The following MYL9 variants were observed in gnomAD, a reference collection of about 807,000 sequenced individuals.
MYL9 encodes the protein myosin light chain 9.
A neutral mutation model predicts 12.8 loss-of-function variants in MYL9; 7 were observed. The ratio of observed to expected loss-of-function variants is 0.55; its 90% CI spans 0.31 to 1.03. The LOEUF (loss-of-function observed/expected upper bound fraction) is 1.03. Among genes scored for constraint, MYL9 ranks in the 50% least tolerant of loss-of-function variants. MYL9 has a pLI of 0.05. For synonymous variants in MYL9, 81 were observed against 87.8 expected, an observed-to-expected ratio of 0.92 and a Z score of 0.43; for missense variants, 190 against 242.7, an observed-to-expected ratio of 0.78 and a Z score of 1.44.
chr20:36,543,691 T>C (rs1301375954), intron 1 of MYL9, among the ~76,000 whole-genome samples: 2 of 152,212 alleles, frequency 1.3e-5, no homozygotes, highest in Non-Finnish European at 2.9e-5. Flanking sequence ...AGCCCAACTA[T>C]GGCCTGGGAT....
chr20:36,547,935 A>T (rs1294449435), intron 2 of MYL9, 97 bp from the exon 3 acceptor site: 1 of 1,369,778 alleles, frequency 7.3e-7, no homozygotes, highest in Non-Finnish European at 9.8e-7. Context: ...TCTCACACGG[A>T]GCGGTGAAGG....
rs796335980 is a variant in MYL9, at chr20:36,549,579, C to G, written c.*330C>G. 2.8e-4 allele frequency: 69 copies of G among 246,610 alleles called. No individual in the cohort carries two copies. Among genetic ancestry groups the G allele is most frequent in the African/African-American group, 1.4e-3 (62 of 45,052 alleles). 15.3% of individuals were successfully genotyped at this position (246,610 alleles called of 1,614,324 possible). A position where few individuals can be genotyped will look rare whatever the true frequency, so the allele number is the denominator to read the frequency against. ...TCCCCGAGGAGGAAGGGAAGGGGCTCTGTGTGCCCCCCAGGAGGAAGAGGC... is the reference window on the plus strand; with the variant it reads ...TCCCCGAGGAGGAAGGGAAGGGGCTGTGTGTGCCCCCCAGGAGGAAGAGGC... On this transcript the variant is annotated 3_prime_UTR_variant, in exon 4 of 4. Coordinates refer to ENST00000279022, the MANE Select transcript of MYL9 (RefSeq NM_006097.5).
chr20:36,548,342 C>T lies in MYL9; in HGVS notation c.346+149C>T, dbSNP rs78782467. The T allele has an allele frequency of 3.8e-3, 4,273 of 1,136,470 alleles. 129 individuals are homozygous for T. The African/African-American group carries it at 0.06, about 16-fold the overall frequency. The allele number at this position is 1,136,470 out of a possible 1,614,324, so 70.4% of individuals were successfully genotyped here. ...AAAAGCCAGGCCACCTCCTTATTGT[C>T]GCCGCAAAGGCTAGGCCAGAACAGC... On this transcript the variant is annotated intron_variant, in intron 3 of 3. Coordinates refer to ENST00000279022, the MANE Select transcript of MYL9 (RefSeq NM_006097.5).
At position 36,544,899 on chromosome 20, in the gene MYL9, G is replaced by C. The variant is rs569736661; in HGVS notation, c.15G>C (p.Arg5=). 6.2e-7 allele frequency: 1 copy of C among 1,613,138 alleles called. No individual in the cohort carries two copies. Among genetic ancestry groups the C allele is most frequent in the South Asian group, 1.1e-5 (1 of 91,016 alleles). Reference sequence around the variant, plus strand: ...CAGAAGCCAAGATGTCCAGCAAGCGGGCCAAAGCCAAGACCACCAAGAAGC... The same window carrying C: ...CAGAAGCCAAGATGTCCAGCAAGCGCGCCAAAGCCAAGACCACCAAGAAGC... The part of the protein sequence containing the change: MSSK[R]AKAKTTKKRP... Residue 5 remains arginine, a synonymous_variant, in exon 2 of 4, where the codon CGG becomes CGC. Transcript: ENST00000279022.
Position 36,549,651 on chromosome 20 carries a change from A to C in MYL9, c.*402A>C. 3 of 180,302 alleles carry C rather than the reference A, an allele frequency of 1.7e-5. No homozygotes were observed. Among genetic ancestry groups the C allele is most frequent in the East Asian group, 1.5e-4 (1 of 6,600 alleles). 11.2% of individuals were successfully genotyped at this position (180,302 alleles called of 1,614,324 possible). A position where few individuals can be genotyped will look rare whatever the true frequency, so the allele number is the denominator to read the frequency against. ...CCCCTTCACGTGTATCCCCACACAA[A>C]TGCAAGCTCACCAAGGTCCCCTCTC... is the stretch of plus-strand genomic sequence containing the variant. On this transcript the variant is annotated 3_prime_UTR_variant, in exon 4 of 4. Transcript: ENST00000279022.
At chr20:36,548,891 C>G (rs1236683445) in intron 3 of MYL9, among the ~76,000 whole-genome samples, 186 bp from the exon 4 acceptor site, 1 of 152,180 alleles carries the variant, frequency 6.6e-6, no homozygotes, top group Non-Finnish European at 1.5e-5. Flanking sequence ...TGGGATCCGA[C>G]ACCCCTTCAC....
rs749533925 is a variant in MYL9, at chr20:36,548,113, T to C, written c.266T>C (p.Met89Thr). Residue 89 changes from methionine to threonine, a missense_variant, in exon 3 of 4, where the codon ATG (methionine) becomes ACG (threonine). By Grantham distance (81) the Met-to-Thr change is moderately conservative. Transcript: ENST00000279022. ...ATCAACTTCACCATGTTCCTCACCA[T>C]GTTTGGGGAGAAGCTGAACGGCACG... ...GPINFTMFLTMFGEKLNGTDP... is the reference protein window; with the variant it reads ...GPINFTMFLTTFGEKLNGTDP... The C allele has an allele frequency of 6.2e-7, 1 of 1,613,944 alleles. No individual in the cohort carries two copies. Among genetic ancestry groups the C allele is most frequent in the Non-Finnish European group, 8.5e-7 (1 of 1,179,904 alleles).
In MYL9 at chr20:36,550,201, G is replaced by A. The variant is rs1266363116; in HGVS notation, c.*952G>A. ...TAAAGCTCCGGGTTCCAGAAGAACA[G>A]GGAGGCTCCAACAGTGATGAGGCAG... On this transcript the variant is annotated 3_prime_UTR_variant, in exon 4 of 4. Transcript: ENST00000279022. 1 of 152,462 alleles carries A rather than the reference G, an allele frequency of 6.6e-6. No homozygotes were observed. The highest frequency in any genetic ancestry group is 1.5e-5 in the Non-Finnish European group (1 of 68,266). 9.4% of individuals were successfully genotyped at this position (152,462 alleles called of 1,614,324 possible).
In MYL9 at chr20:36,548,203, G is replaced by T. The variant is rs372624710; in HGVS notation, c.346+10G>T. On this transcript the variant is annotated intron_variant, in intron 3 of 3. Transcript: ENST00000279022. ...GACGAGGAAGCCTCAGGTCCGTGGC[G>T]CCCCCTACCACCACTCTGCATGCAA... 1 of 1,598,740 alleles carries T rather than the reference G, an allele frequency of 6.3e-7. No homozygotes were observed. The highest frequency in any genetic ancestry group is 8.5e-7 in the Non-Finnish European group (1 of 1,170,716).
intron 2 of MYL9, 45 bp downstream of exon 2, chr20:36,545,113 G>A: frequency 6.3e-7 from 1 of 1,596,544 alleles, no homozygotes; most frequent in Non-Finnish European, 8.6e-7. Flanking sequence ...AGGCCAGGCA[G>A]GCTCTGCCAA....
intron 2 of MYL9, among the ~76,000 whole-genome samples, chr20:36,545,369 C>T (rs7267743): frequency 0.031 from 4,656 of 151,718 alleles, 247 homozygotes; most frequent in African/African-American, 0.11. Context: ...TGGTGGCGGG[C>T]GCCTGTAGTC....
At position 36,549,232 on chromosome 20, in the gene MYL9, A is replaced by G. The variant is rs1169785812; in HGVS notation, c.502A>G (p.Lys168Glu). Residue 168 changes from lysine to glutamate, a missense_variant, in exon 4 of 4, where the codon AAG becomes GAG. Lys to Glu is a moderately conservative substitution (Grantham distance 56). Transcript: ENST00000279022. Reference sequence around the variant, plus strand: ...CACCCGCATCCTCAAACATGGCGCCAAGGATAAAGACGACTAGGCCACCCC... The same window carrying G: ...CACCCGCATCCTCAAACATGGCGCCGAGGATAAAGACGACTAGGCCACCCC... ...EFTRILKHGAKDKDD is the reference protein window; with the variant it reads ...EFTRILKHGAEDKDD 2 of 1,613,470 alleles carry G rather than the reference A, an allele frequency of 1.2e-6. No individual in the cohort carries two copies. The highest frequency in any genetic ancestry group is 4.5e-5 in the East Asian group (2 of 44,892).
At chr20:36,549,006 C>A in intron 3 of MYL9, 71 bp from the exon 4 acceptor site, 1 of 1,478,524 alleles carries the variant, frequency 6.8e-7, no homozygotes, top group Non-Finnish European at 9.2e-7. Flanking sequence ...TGCCAGGGGG[C>A]TGAGGGATGG....
rs1474282046 is a variant in MYL9, at chr20:36,544,900, G to A, written c.16G>A (p.Ala6Thr). 2 of 1,613,200 alleles carry A rather than the reference G, an allele frequency of 1.2e-6. No homozygotes were observed. Among genetic ancestry groups the A allele is most frequent in the Non-Finnish European group, 1.7e-6 (2 of 1,179,648 alleles). Reference sequence around the variant, plus strand: ...AGAAGCCAAGATGTCCAGCAAGCGGGCCAAAGCCAAGACCACCAAGAAGCG... The same window carrying A: ...AGAAGCCAAGATGTCCAGCAAGCGGACCAAAGCCAAGACCACCAAGAAGCG... MSSKR[A>T]KAKTTKKRPQ... The change falls in exon 2 of 4, where the codon GCC becomes ACC. Residue 6 changes from alanine (A) to threonine (T), a missense_variant. Transcript: ENST00000279022.
intron 2 of MYL9, among the ~76,000 whole-genome samples, chr20:36,546,144 C>A (rs1454930840): frequency 6.6e-6 from 1 of 152,194 alleles, no homozygotes; most frequent in East Asian, 1.9e-4. Flanking sequence ...GTCCAATTCT[C>A]TACTGCAGAT....
At position 36,545,154 on chromosome 20, in the gene MYL9, A is replaced by G. The variant is rs541625068; in HGVS notation, c.184+86A>G. 35 of 1,431,522 alleles carry G rather than the reference A, an allele frequency of 2.4e-5. No individual in the cohort carries two copies. The South Asian group carries it at 4.2e-4, about 17-fold the overall frequency. 88.7% of individuals were successfully genotyped at this position (1,431,522 alleles called of 1,614,324 possible). On this transcript the variant is annotated intron_variant, in intron 2 of 3. Transcript: ENST00000279022. ...TACAGGGCACCTCCTGTGTAGTGAG[A>G]CGCGTGGTGTCCACCTTAGAGAATA...
intron 2 of MYL9, among the ~76,000 whole-genome samples, chr20:36,547,738 C>T (rs932764869): frequency 1.3e-5 from 2 of 152,192 alleles, no homozygotes; most frequent in African/African-American, 2.4e-5. Flanking sequence ...CAATAAGGCA[C>T]GTGGTCGACC....
At chr20:36,548,485 T>A (rs779238977) in intron 3 of MYL9, among the ~76,000 whole-genome samples, 1 of 152,222 alleles carries the variant, frequency 6.6e-6, no homozygotes. Context: ...CAAGAAGGTA[T>A]AGAAACTGGC....
intron 3 of MYL9, among the ~76,000 whole-genome samples, chr20:36,548,583 T>C (rs1381970590): frequency 6.6e-6 from 1 of 152,148 alleles, no homozygotes; most frequent in African/African-American, 2.4e-5. Flanking sequence ...CATGGTAACA[T>C]GGCCATGGGC....
Sources: allele counts gnomAD v4.1 joint callset (sites outside exome capture counted in the v4.1 genomes callset), GRCh38; gene constraint gnomAD v4.1.1; transcripts MANE v1.5; gene names NCBI Gene and HGNC (gene_info 2026-07-23, HGNC 2026-07-21).